Variants in TTF2 observed in about 807,000 individuals in gnomAD.
TTF2 encodes transcription termination factor 2.
TTF2 carries 108 observed loss-of-function variants against 142.4 expected under a neutral mutation model. The ratio of observed to expected loss-of-function variants is 0.76; its 90% CI spans 0.65 to 0.89. The LOEUF is 0.89. TTF2 is among the 40% of genes least tolerant of loss of function. The pLI, the probability that TTF2 is intolerant of heterozygous loss-of-function variation, is 0.00. For missense variants in TTF2, 1,327 were observed against 1,379.8 expected (o/e 0.96, Z 0.61); for synonymous variants, 483 against 506.2 (o/e 0.95, Z 0.61).
chr1:117,088,851 T>G lies in TTF2; in HGVS notation c.2211T>G (p.Asp737Glu). 1 of 1,614,202 alleles carries G rather than the reference T, an allele frequency of 6.2e-7. No individual in the cohort carries two copies. Among genetic ancestry groups the G allele is most frequent in the Middle Eastern group, 1.6e-4 (1 of 6,062 alleles). ...TAGCCTGGGCTCGAATCATATTGGA[T>G]GAAGCTCACAATGTTAAGAATCCCC... Reference protein sequence around the residue: ...LRIAWARIILDEAHNVKNPRV... With the variant: ...LRIAWARIILEEAHNVKNPRV... Residue 737 changes from aspartate (D) to glutamate (E), a missense_variant, in exon 13 of 23, where the codon GAT becomes GAG. Asp to Glu is a conservative substitution (Grantham distance 45, BLOSUM62 2). Coordinates refer to ENST00000369466, the MANE Select transcript of TTF2 (RefSeq NM_003594.4).
intron 11 of TTF2, 85 bp downstream of exon 11, chr1:117,084,253 C>G: frequency 6.5e-7 from 1 of 1,536,352 alleles, no homozygotes; most frequent in Non-Finnish European, 8.9e-7. Context: ...CCTGAGATTT[C>G]ACTTAATCAG....
intron 3 of TTF2, among the ~76,000 whole-genome samples, chr1:117,072,874 T>G (rs556181722): frequency 2.0e-5 from 3 of 152,316 alleles, no homozygotes; most frequent in Admixed American, 2.0e-4. Flanking sequence ...CTCAGGCCCC[T>G]GAGTAGAGGG....
At chr1:117,094,689 C>G (rs1381397125) in intron 18 of TTF2, 2 of 482,206 alleles carry the variant, frequency 4.1e-6, no homozygotes, top group South Asian at 1.5e-5. Flanking sequence ...TACTCACAGC[C>G]CCTCACACAT....
rs1373698493 is a variant in TTF2, at chr1:117,073,092, G to A, written c.219-569G>A. 6.6e-6 allele frequency among the ~76,000 whole-genome samples: 1 copy of A among 151,720 alleles called. No homozygotes were observed. The highest frequency in any genetic ancestry group is 1.5e-5 in the Non-Finnish European group (1 of 67,932). On this transcript the variant is annotated intron_variant, in intron 3 of 22. Coordinates refer to ENST00000369466, the MANE Select transcript of TTF2 (RefSeq NM_003594.4). This position sits in a 1 kb window ranked among gnomAD's most constrained non-coding sequence, Gnocchi z 4.4. ...TTCCCTTCATCTTTTTTTCTCCCTC[G>A]TAACTTATTTGTGGAAGGGATCAGG...
chr1:117,106,871 T>C lies in TTF2; in HGVS notation c.*5347T>C, dbSNP rs1649984911. On this transcript the variant is annotated 3_prime_UTR_variant, in exon 23 of 23. Transcript: ENST00000369466. ...CTCTGGAGGAAAGTTGAGCAACTAT[T>C]GCATTTGGGACATTAGAGTATGGGT... 1 of 152,232 alleles carries C rather than the reference T, an allele frequency of 6.6e-6. No homozygotes were observed. Among genetic ancestry groups the C allele is most frequent in the South Asian group, 2.1e-4 (1 of 4,838 alleles). The allele number at this position is 152,232 out of a possible 1,614,324, so 9.4% of individuals were successfully genotyped here.
chr1:117,060,357 T>TAA lies in TTF2; in HGVS notation c.11_12insAA (p.Arg5IlefsTer55). On this transcript the variant is annotated frameshift_variant, in exon 1 of 23. Transcript: ENST00000369466. LOFTEE classifies it high-confidence loss of function. ...GGGGGACCCAGCGAAATGGAAGAAG[T>TAA]TAGGTGTCCAGAGCACGGTAAGGGG... 1 of 1,599,662 alleles carries TAA rather than the reference T, an allele frequency of 6.3e-7. No individual in the cohort carries two copies. The highest frequency in any genetic ancestry group is 8.5e-7 in the Non-Finnish European group (1 of 1,172,898).
chr1:117,062,334 A>G, intron 2 of TTF2, 53 bp from the exon 3 acceptor site: 1 of 1,546,052 alleles, frequency 6.5e-7, no homozygotes, highest in South Asian at 1.1e-5. Context: ...ACTTTAGGAT[A>G]TTGATCTCTG....
At chr1:117,098,751 G>A (rs1476158376) in intron 21 of TTF2, 82 bp from the exon 22 acceptor site, 1 of 1,157,856 alleles carries the variant, frequency 8.6e-7, no homozygotes, top group East Asian at 2.6e-5. Flanking sequence ...CAAGCTGTGG[G>A]CTGGATTTGG....
rs1649945670 is a variant in TTF2, at chr1:117,106,382, A to G, written c.*4858A>G. ...CTTGAGTTCTTTTTACCCAGATTCC[A>G]TAGCTAAATCCAGATGTATTAATAG... On this transcript the variant is annotated 3_prime_UTR_variant, in exon 23 of 23. Coordinates refer to ENST00000369466, the MANE Select transcript of TTF2 (RefSeq NM_003594.4). 1 of 152,188 alleles carries G rather than the reference A, an allele frequency of 6.6e-6. No individual in the cohort carries two copies. The highest frequency in any genetic ancestry group is 6.5e-5 in the Admixed American group (1 of 15,278). 9.4% of individuals were successfully genotyped at this position (152,188 alleles called of 1,614,324 possible). A position where few individuals can be genotyped will look rare whatever the true frequency, so the allele number is the denominator to read the frequency against.
At chr1:117,098,444 G>C (rs2101236896) in intron 21 of TTF2, 1 of 155,128 alleles carries the variant, frequency 6.4e-6, no homozygotes, top group East Asian at 1.9e-4. Context: ...GCTACCTAGA[G>C]ACCAGACCTG....
chr1:117,076,508 A>G lies in TTF2; in HGVS notation c.1391-133A>G, dbSNP rs568738934. 1 of 1,141,580 alleles carries G rather than the reference A, an allele frequency of 8.8e-7. No homozygotes were observed. The highest frequency in any genetic ancestry group is 1.6e-5 in the African/African-American group (1 of 64,138). 70.7% of individuals were successfully genotyped at this position (1,141,580 alleles called of 1,614,324 possible). ...CTTCCCCATTGTTTAAGCAACTGTT[A>G]AAATGCTACCTTCTCTAGGAATCCT... is the stretch of plus-strand genomic sequence containing the variant. On this transcript the variant is annotated intron_variant, in intron 6 of 22. Coordinates refer to ENST00000369466, the MANE Select transcript of TTF2 (RefSeq NM_003594.4). This position sits in a 1 kb window ranked among gnomAD's most constrained non-coding sequence, Gnocchi z 4.6.
chr1:117,066,430 A>G (rs1256521893), intron 3 of TTF2, among the ~76,000 whole-genome samples: 3 of 152,190 alleles, frequency 2.0e-5, no homozygotes, highest in Admixed American at 1.3e-4. Flanking sequence ...CTGGTAGGGC[A>G]TATAAACGTG....
rs1272642977 is a variant in TTF2, at chr1:117,069,990, A to G, written c.219-3671A>G. The stretch of plus-strand genomic sequence containing the variant: ...TGATATTTGCTTTCTCTGCGAAAAT[A>G]TATTTCCACTGCATTCTTTGTTGAT... On this transcript the variant is annotated intron_variant, in intron 3 of 22. Coordinates refer to ENST00000369466, the MANE Select transcript of TTF2 (RefSeq NM_003594.4). Among the ~76,000 whole-genome samples, 3 of 152,248 alleles carry G rather than the reference A, an allele frequency of 2.0e-5. No individual in the cohort carries two copies. The East Asian group carries it at 5.8e-4, about 29-fold the overall frequency.
chr1:117,075,574 T>C lies in TTF2; in HGVS notation c.990T>C (p.Ala330=). ...HSVPAPGGPA[A]QAAPAAPGLS... ...TGCCTGCTCCTGGAGGACCAGCGGC[T>C]CAGGCTGCACCAGCAGCACCAGGGC... is the stretch of plus-strand genomic sequence containing the variant. The change falls in exon 5 of 23, where the codon GCT becomes GCC. Residue 330 remains alanine, a synonymous_variant. Coordinates refer to ENST00000369466, the MANE Select transcript of TTF2 (RefSeq NM_003594.4). This position sits in a 1 kb window ranked among gnomAD's most constrained non-coding sequence, Gnocchi z 4.5. 1 of 1,614,104 alleles carries C rather than the reference T, an allele frequency of 6.2e-7. No homozygotes were observed. Among genetic ancestry groups the C allele is most frequent in the Non-Finnish European group, 8.5e-7 (1 of 1,179,996 alleles).
At chr1:117,089,260 C>A (rs1411510183) in intron 13 of TTF2, among the ~76,000 whole-genome samples, 58 of 137,480 alleles carry the variant, frequency 4.2e-4, no homozygotes, top group African/African-American at 9.9e-4. Flanking sequence ...CAAATATATG[C>A]TATATATATA....
chr1:117,064,629 T>C (rs1281864551), intron 3 of TTF2, among the ~76,000 whole-genome samples: 2 of 152,178 alleles, frequency 1.3e-5, no homozygotes, highest in African/African-American at 4.8e-5. Flanking sequence ...GCAATTCTTA[T>C]GCCTCAGCCT....
rs1011585983 is a variant in TTF2, at chr1:117,085,276, G to A, written c.2054+1108G>A. Among the ~76,000 whole-genome samples the A allele has an allele frequency of 6.6e-6, 1 of 152,130 alleles. No individual in the cohort carries two copies. The highest frequency in any genetic ancestry group is 1.5e-5 in the Non-Finnish European group (1 of 68,018). ...TATTTATTGAGGTTCTCTTGGGGCT[G>A]GGCATGGTGGCTCATGCCTATAATC... On this transcript the variant is annotated intron_variant, in intron 11 of 22. Coordinates refer to ENST00000369466, the MANE Select transcript of TTF2 (RefSeq NM_003594.4). The surrounding 1 kb of genome is among the most constrained non-coding windows in gnomAD (Gnocchi z 4.7).
intron 8 of TTF2, 69 bp downstream of exon 8, chr1:117,078,112 C>A: frequency 6.4e-7 from 1 of 1,568,026 alleles, no homozygotes; most frequent in Non-Finnish European, 8.7e-7. Context: ...AAACTGCTGG[C>A]AGAGAGACTT....
chr1:117,096,091 G>T, intron 19 of TTF2, 58 bp from the exon 20 acceptor site: 1 of 1,589,194 alleles, frequency 6.3e-7, no homozygotes, highest in Non-Finnish European at 8.6e-7. Context: ...TTAAAGCCCT[G>T]CAGATGAGTC....
Sources: gnomAD v4.1 joint callset for allele counts (sites outside exome capture counted in the v4.1 genomes callset) on GRCh38, gnomAD v4.1.1 for gene constraint, Gnocchi (gnomAD v3.1) non-coding constraint, MANE v1.5 for transcripts, NCBI Gene and HGNC (gene_info 2026-07-23, HGNC 2026-07-21) for gene names.